The following TIAM1 variants were observed in gnomAD, a reference collection of about 807,000 sequenced individuals.
TIAM1 encodes rho guanine nucleotide exchange factor TIAM1.
Under a neutral mutation model 163.5 loss-of-function variants are expected in TIAM1, and 65 were observed. The observed-to-expected ratio is 0.40, with a 90% CI of 0.33 to 0.49. The LOEUF is 0.49. Among genes scored for constraint, TIAM1 ranks in the 20% least tolerant of loss-of-function variants. The pLI, the probability that TIAM1 is intolerant of heterozygous loss-of-function variation, is 0.77. For missense variants in TIAM1, 1,789 were observed against 2,044.7 expected, an observed-to-expected ratio of 0.87 and a Z score of 2.41; for synonymous variants, 833 against 810.1, an observed-to-expected ratio of 1.03 and a Z score of -0.48.
intron 1 of TIAM1, among the ~76,000 whole-genome samples, chr21:31,516,702 T>C (rs1317564206): frequency 6.8e-6 from 1 of 147,750 alleles, no homozygotes; most frequent in Admixed American, 6.7e-5. Flanking sequence ...GAAGAAAAGA[T>C]AGATAAAAAT....
intron 5 of TIAM1, among the ~76,000 whole-genome samples, chr21:31,248,506 C>A (rs192896628): frequency 6.6e-6 from 1 of 152,274 alleles, no homozygotes; most frequent in African/African-American, 2.4e-5. Context: ...ATAATCTGTA[C>A]GTTCTTCCGT....
intron 2 of TIAM1, among the ~76,000 whole-genome samples, chr21:31,462,040 G>C (rs1357977382): frequency 6.6e-6 from 1 of 152,210 alleles, no homozygotes; most frequent in Non-Finnish European, 1.5e-5. Context: ...TGAACAATGT[G>C]TCGGGGACGA....
At chr21:31,453,085 G>C in intron 2 of TIAM1, 2 of 370,126 alleles carry the variant, frequency 5.4e-6, no homozygotes, top group Non-Finnish European at 1.1e-5. Flanking sequence ...CTTCTGTTTG[G>C]AGAGGATAAA....
At chr21:31,468,241 C>T (rs954245272) in intron 1 of TIAM1, among the ~76,000 whole-genome samples, 5 of 151,826 alleles carry the variant, frequency 3.3e-5, no homozygotes, top group African/African-American at 1.2e-4. Context: ...TTTGGGAGGC[C>T]AAGGCAGGCG....
At chr21:31,511,971 G>A (rs1334540964) in intron 1 of TIAM1, among the ~76,000 whole-genome samples, 1 of 152,188 alleles carries the variant, frequency 6.6e-6, no homozygotes, top group African/African-American at 2.4e-5. Context: ...GCAGGTTAGG[G>A]TCAAGTGGCA....
chr21:31,309,902 C>T (rs1383292801), intron 2 of TIAM1, among the ~76,000 whole-genome samples: 1 of 152,148 alleles, frequency 6.6e-6, no homozygotes, highest in Non-Finnish European at 1.5e-5. Flanking sequence ...AACCCAAATC[C>T]CCTTCTTTCC....
At chr21:31,509,278 T>C (rs1024423518) in intron 1 of TIAM1, among the ~76,000 whole-genome samples, 11 of 152,050 alleles carry the variant, frequency 7.2e-5, no homozygotes, top group Admixed American at 2.0e-4. Context: ...TCTCACCCTG[T>C]TGGATGGATC....
At position 31,440,991 on chromosome 21, in the gene TIAM1, T is replaced by A. The variant is rs2044399277; in HGVS notation, c.-369+22992A>T. On this transcript the variant is annotated intron_variant, in intron 2 of 28. Transcript: ENST00000286827. ...CCCCATTCTAGTTCCCAGCACCCCA[T>A]CGTGGAAGGAAACACATAAGGTAAT... 2.0e-5 allele frequency among the ~76,000 whole-genome samples: 3 copies of A among 152,282 alleles called. No homozygotes were observed. The South Asian group carries it at 6.2e-4, about 32-fold the overall frequency.
intron 2 of TIAM1, among the ~76,000 whole-genome samples, chr21:31,442,011 G>A (rs1461055974): frequency 7.1e-6 from 1 of 140,282 alleles, no homozygotes; most frequent in Admixed American, 7.5e-5. Flanking sequence ...AGCTGAGACA[G>A]TGCCATTGCA....
chr21:31,385,252 G>A (rs1000904483), intron 2 of TIAM1, among the ~76,000 whole-genome samples: 9 of 152,078 alleles, frequency 5.9e-5, no homozygotes, highest in Non-Finnish European at 1.2e-4. Flanking sequence ...TAGTAGAGAC[G>A]GGGTTTCACC....
chr21:31,451,032 A>AT (rs2044816651), intron 2 of TIAM1, among the ~76,000 whole-genome samples: 1 of 151,834 alleles, frequency 6.6e-6, no homozygotes, highest in Non-Finnish European at 1.5e-5. Flanking sequence ...CTAGTGGTCA[A>AT]TTAAGCTAAG....
At chr21:31,170,660 A>G (rs886547661) in intron 15 of TIAM1, among the ~76,000 whole-genome samples, 3 of 152,220 alleles carry the variant, frequency 2.0e-5, no homozygotes, top group Non-Finnish European at 4.4e-5. Context: ...CATCCCATGC[A>G]GATGTTCCTC....
intron 14 of TIAM1, among the ~76,000 whole-genome samples, chr21:31,185,553 ATAT>A (rs2085256407): frequency 1.5e-5 from 2 of 129,906 alleles, no homozygotes; most frequent in Admixed American, 1.6e-4. Context: ...TATATATTAT[ATAT>A]TAATATAATA....
At chr21:31,138,586 A>T (rs1011543897) in intron 22 of TIAM1, among the ~76,000 whole-genome samples, 3 of 152,214 alleles carry the variant, frequency 2.0e-5, no homozygotes, top group Non-Finnish European at 2.9e-5. Flanking sequence ...CACCCGCCTG[A>T]GTCTCCGTAA....
chr21:31,182,070 A>C (rs1173643075), intron 15 of TIAM1, among the ~76,000 whole-genome samples: 1 of 151,478 alleles, frequency 6.6e-6, no homozygotes, highest in Non-Finnish European at 1.5e-5. Flanking sequence ...GGTGCGAGCC[A>C]CCACACGTGG....
At chr21:31,245,901 C>A (rs2071476001) in intron 5 of TIAM1, among the ~76,000 whole-genome samples, 1 of 152,184 alleles carries the variant, frequency 6.6e-6, no homozygotes, top group Non-Finnish European at 1.5e-5. Flanking sequence ...CCCTCAAGTT[C>A]TCTCAAACCC....
chr21:31,138,705 T>C (rs1048870845), intron 22 of TIAM1, among the ~76,000 whole-genome samples: 4 of 152,328 alleles, frequency 2.6e-5, no homozygotes, highest in Admixed American at 6.5e-5. Context: ...TCTTACGGCA[T>C]TGAGGCTGCT....
intron 2 of TIAM1, among the ~76,000 whole-genome samples, chr21:31,410,328 G>A (rs1317150240): frequency 6.6e-6 from 1 of 151,830 alleles, no homozygotes; most frequent in African/African-American, 2.4e-5. Flanking sequence ...GTGAGTATAT[G>A]TAGGAGACTG....
In TIAM1 at chr21:31,550,647, T is replaced by C. The variant is rs754192037; in HGVS notation, c.-422+8280A>G. On this transcript the variant is annotated intron_variant, in intron 1 of 28. Coordinates refer to the TIAM1 transcript ENST00000286827. The stretch of plus-strand genomic sequence containing the variant: ...AGGTGGAAGTATATCTTAATAATAC[T>C]GTCATAAAAATAAAAACAATCTATA... 4.0e-4 allele frequency among the ~76,000 whole-genome samples: 61 copies of C among 152,318 alleles called. No individual in the cohort carries two copies. In the Middle Eastern group the frequency reaches 0.01, roughly 25 times the overall value.
Sources: allele counts gnomAD v4.1 joint callset (sites outside exome capture counted in the v4.1 genomes callset), GRCh38; gene constraint gnomAD v4.1.1; transcripts MANE v1.5; gene names NCBI Gene and HGNC (gene_info 2026-07-23, HGNC 2026-07-21).